ADAMTSL1: variants seen among roughly 807,000 people sequenced by gnomAD.
ADAMTSL1 encodes ADAMTS like 1, also known as ADAMTS-like protein 1.
A neutral mutation model predicts 201.8 loss-of-function variants in ADAMTSL1; 126 were observed. The observed-to-expected ratio is 0.62, with a 90% CI of 0.54 to 0.72. The LOEUF is 0.72. ADAMTSL1 is among the 30% of genes least tolerant of loss of function. ADAMTSL1 has a pLI of 0.00. For missense variants in ADAMTSL1, 2,679 were observed against 2,277.8 expected (o/e 1.18, Z -3.59); for synonymous variants, 1,121 against 903.4 (o/e 1.24, Z -4.32).
intron 2 of ADAMTSL1, among the ~76,000 whole-genome samples, chr9:18,308,997 C>T (rs964356299): frequency 2.0e-5 from 3 of 152,104 alleles, no homozygotes; most frequent in Non-Finnish European, 4.4e-5. Context: ...ATGATCAAGT[C>T]AGCTTCATCC....
chr9:17,970,525 G>C (rs1011802323), intron 1 of ADAMTSL1, among the ~76,000 whole-genome samples: 10 of 151,970 alleles, frequency 6.6e-5, no homozygotes, highest in African/African-American at 2.4e-4. Context: ...CCTTTAACTT[G>C]ATGCTTCAGT....
At chr9:17,987,272 G>C (rs1818966966) in intron 1 of ADAMTSL1, among the ~76,000 whole-genome samples, 1 of 152,072 alleles carries the variant, frequency 6.6e-6, no homozygotes, top group African/African-American at 2.4e-5. Context: ...TGTCCTGATG[G>C]TATTTCCCCA....
intron 7 of ADAMTSL1, among the ~76,000 whole-genome samples, chr9:18,645,307 G>C (rs1169268238): frequency 1.3e-5 from 2 of 152,178 alleles, no homozygotes; most frequent in African/African-American, 4.8e-5. Context: ...CAGATGAGTA[G>C]ATTGTTAAAA....
At chr9:18,431,583 A>T (rs1563956817) in intron 2 of ADAMTSL1, among the ~76,000 whole-genome samples, 1 of 152,190 alleles carries the variant, frequency 6.6e-6, no homozygotes, top group Non-Finnish European at 1.5e-5. Context: ...ACTGCCACTC[A>T]AAGCTGGAAT....
chr9:18,621,556 CCA>C (rs57351480), intron 4 of ADAMTSL1, among the ~76,000 whole-genome samples: 24,907 of 143,234 alleles, frequency 0.17, 2,189 homozygotes, highest in Middle Eastern at 0.23. Flanking sequence ...CCGTCCTCTT[CCA>C]CACACACACA....
chr9:17,945,517 G>A (rs9407888), intron 1 of ADAMTSL1, among the ~76,000 whole-genome samples: 126,934 of 151,242 alleles, frequency 0.84, 53,186 homozygotes, highest in East Asian at 0.93. Context: ...ACATGCACAC[G>A]TATGTTTATT....
At position 18,735,420 on chromosome 9, in the gene ADAMTSL1, T is replaced by G. The variant is rs117922440; in HGVS notation, c.2006+13755T>G. ...TCCCTTCATCCCTTGCCACATGAGATATTTCAAAGGGTTGGTTTTCAGAGC... is the reference window on the plus strand; with the variant it reads ...TCCCTTCATCCCTTGCCACATGAGAGATTTCAAAGGGTTGGTTTTCAGAGC... On this transcript the variant is annotated intron_variant, in intron 15 of 28. Coordinates refer to ENST00000380548, the MANE Select transcript of ADAMTSL1 (RefSeq NM_001040272.6). Among the ~76,000 whole-genome samples, 666 of 152,336 alleles carry G rather than the reference T, an allele frequency of 4.4e-3. 2 individuals carry two copies. Among genetic ancestry groups the G allele is most frequent in the Non-Finnish European group, 6.8e-3 (464 of 68,020 alleles).
At chr9:18,544,121 G>A (rs10810984) in intron 3 of ADAMTSL1, among the ~76,000 whole-genome samples, 42,946 of 151,912 alleles carry the variant, frequency 0.28, 6,424 homozygotes, top group East Asian at 0.62. Context: ...CCTCAATCTT[G>A]AAGTGGAAAT....
intron 2 of ADAMTSL1, among the ~76,000 whole-genome samples, chr9:18,413,931 G>A (rs1818561523): frequency 6.6e-6 from 1 of 152,176 alleles, no homozygotes; most frequent in South Asian, 2.1e-4. Flanking sequence ...AAGAAAAAAT[G>A]CACAATTCTG....
At chr9:18,682,485 A>G (rs1297655021) in intron 12 of ADAMTSL1, among the ~76,000 whole-genome samples, 3 of 152,208 alleles carry the variant, frequency 2.0e-5, no homozygotes, top group African/African-American at 7.2e-5. Context: ...AAGATATTGC[A>G]ATAATTTATA....
intron 26 of ADAMTSL1, among the ~76,000 whole-genome samples, chr9:18,897,225 T>C (rs929393312): frequency 2.0e-5 from 3 of 152,240 alleles, no homozygotes; most frequent in African/African-American, 7.2e-5. Context: ...GATCTCTCCC[T>C]GGGACAGAGC....
At chr9:18,154,401 A>ATATC (rs1408623807) in intron 1 of ADAMTSL1, among the ~76,000 whole-genome samples, 2 of 152,002 alleles carry the variant, frequency 1.3e-5, no homozygotes, top group African/African-American at 4.8e-5. Context: ...GTTCAGTCAT[A>ATATC]TATCTGGTGG....
chr9:18,120,515 TC>T (rs1825452863), intron 1 of ADAMTSL1, among the ~76,000 whole-genome samples: 1 of 152,166 alleles, frequency 6.6e-6, no homozygotes, highest in African/African-American at 2.4e-5. Context: ...GGGATTTGTA[TC>T]CCCTTTTTAT....
intron 2 of ADAMTSL1, among the ~76,000 whole-genome samples, chr9:18,314,564 C>T (rs187741203): frequency 1.1e-4 from 17 of 151,872 alleles, no homozygotes; most frequent in African/African-American, 3.9e-4. Context: ...TTGTTCCTTC[C>T]TCCCGTCTGG....
chr9:18,714,944 A>C (rs2133381078), intron 14 of ADAMTSL1, among the ~76,000 whole-genome samples: 1 of 146,994 alleles, frequency 6.8e-6, no homozygotes, highest in East Asian at 2.0e-4. Flanking sequence ...CTGGTTCAAT[A>C]TATGCAAATC....
chr9:18,127,846 A>G (rs1034333245), intron 1 of ADAMTSL1, among the ~76,000 whole-genome samples: 3 of 152,092 alleles, frequency 2.0e-5, no homozygotes, highest in Non-Finnish European at 4.4e-5. Flanking sequence ...CATCATTTCC[A>G]TTTTGTTTTC....
chr9:17,975,603 A>G (rs1428834162), intron 1 of ADAMTSL1, among the ~76,000 whole-genome samples: 1 of 152,066 alleles, frequency 6.6e-6, no homozygotes, highest in African/African-American at 2.4e-5. Context: ...TTGAGACCAT[A>G]GCAGACACTA....
intron 1 of ADAMTSL1, among the ~76,000 whole-genome samples, chr9:18,060,957 C>T (rs781696130): frequency 9.2e-5 from 14 of 152,170 alleles, no homozygotes; most frequent in Non-Finnish European, 1.3e-4. Flanking sequence ...TGTCATATAA[C>T]TAGAAAAGTA....
Position 18,087,745 on chromosome 9 carries a change from A to G in ADAMTSL1, c.88-76117A>G, listed in dbSNP as rs560636587. ...GATTTTTCTGTAAAAAGAAAGGTAG[A>G]AAATGTCTCTTTTAAGTAGAAGAAA... On this transcript the variant is annotated intron_variant, in intron 1 of 29. Transcript: ENST00000680146. 3.1e-4 allele frequency among the ~76,000 whole-genome samples: 47 copies of G among 152,316 alleles called. 1 individual carries two copies. Among genetic ancestry groups the G allele is most frequent in the Middle Eastern group, 6.8e-3 (2 of 292 alleles).
Sources: allele counts gnomAD v4.1 joint callset (sites outside exome capture counted in the v4.1 genomes callset), GRCh38; gene constraint gnomAD v4.1.1; transcripts MANE v1.5; gene names NCBI Gene and HGNC (gene_info 2026-07-23, HGNC 2026-07-21).